PCDHGA6: variants seen among roughly 807,000 people sequenced by gnomAD.
The protein encoded by PCDHGA6 is protocadherin gamma subfamily A, 6.
PCDHGA6 carries 41 observed loss-of-function variants against 60.6 expected under a neutral mutation model. The observed-to-expected ratio is 0.68, with a 90% confidence interval of 0.53 to 0.88. The LOEUF (loss-of-function observed/expected upper bound fraction) is 0.88, where lower values mean the gene tolerates loss of function less well. PCDHGA6 is among the 40% of genes least tolerant of loss of function. PCDHGA6 has a pLI of 0.00. For missense variants in PCDHGA6, 1,312 were observed against 1,203.0 expected (o/e 1.09, Z -1.34); for synonymous variants, 594 against 524.4 (o/e 1.13, Z -1.81).
At chr5:141,433,349 T>C in intron 1 of PCDHGA6, 1 of 616,610 alleles carries the variant, frequency 1.6e-6, no homozygotes, top group East Asian at 2.8e-5. Flanking sequence ...GCAAGCCACC[T>C]ACTGTCTGCC....
chr5:141,421,118 T>C (rs572827470), intron 1 of PCDHGA6: 2 of 771,948 alleles, frequency 2.6e-6, no homozygotes, highest in Non-Finnish European at 2.0e-6. Context: ...GTATTTTCCT[T>C]CGCTTTCTGA....
At chr5:141,415,738 AGGTTTT>A in intron 1 of PCDHGA6, 1 of 538,082 alleles carries the variant, frequency 1.9e-6, no homozygotes, top group South Asian at 3.9e-5. Flanking sequence ...ATGTTTATTA[AGGTTTT>A]TTTTTTTTTT....
chr5:141,490,903 C>G lies in PCDHGA6; in HGVS notation c.2425-3904C>G. 6.2e-7 allele frequency: 1 copy of G among 1,613,764 alleles called. No homozygotes were observed. The highest frequency in any genetic ancestry group is 1.7e-5 in the Admixed American group (1 of 60,022). On this transcript the variant is annotated intron_variant, in intron 1 of 3. Coordinates refer to ENST00000517434, the MANE Select transcript of PCDHGA6 (RefSeq NM_018919.3). This position sits in a 1 kb window ranked among gnomAD's most constrained non-coding sequence, Gnocchi z 5.4. ...CAACACATCTCTGCATGTGTTTGTC[C>G]TAGACGAGAATGATAATGCCCCAGC... is the stretch of plus-strand genomic sequence containing the variant.
chr5:141,413,660 T>C (rs747874019), intron 1 of PCDHGA6: 5 of 1,613,752 alleles, frequency 3.1e-6, no homozygotes, highest in Non-Finnish European at 4.2e-6. Flanking sequence ...CCGGAAGCTA[T>C]TGATCCGGAT....
chr5:141,387,227 A>T (rs1220813655), intron 1 of PCDHGA6, among the ~76,000 whole-genome samples: 3 of 152,230 alleles, frequency 2.0e-5, no homozygotes, highest in Non-Finnish European at 4.4e-5. Context: ...AAGTTGAAAT[A>T]AATCAACTTG....
In PCDHGA6 at chr5:141,438,327, A is replaced by G. The variant is rs369043587; in HGVS notation, c.2425-56480A>G. 1.5e-4 allele frequency among the ~76,000 whole-genome samples: 23 copies of G among 152,106 alleles called. No homozygotes were observed. The East Asian group carries it at 4.1e-3, about 27-fold the overall frequency. ...TTGGTACCACCATAATTTTTCTTAT[A>G]CATGTCATATAAGGATCTACTCTGT... On this transcript the variant is annotated intron_variant, in intron 1 of 3. Transcript: ENST00000517434.
intron 1 of PCDHGA6, among the ~76,000 whole-genome samples, chr5:141,455,904 TTTATTTA>T: frequency 6.8e-6 from 1 of 147,982 alleles, no homozygotes. Flanking sequence ...TATTTATTTA[TTTATTTA>T]TTTTGAGACG....
intron 1 of PCDHGA6, chr5:141,389,520 C>T: frequency 6.2e-7 from 1 of 1,613,184 alleles, no homozygotes; most frequent in Non-Finnish European, 8.5e-7. Flanking sequence ...GAACGTGAGC[C>T]TGCGCGTGTT....
intron 1 of PCDHGA6, chr5:141,419,816 C>A (rs910172118): frequency 7.4e-6 from 12 of 1,613,940 alleles, no homozygotes; most frequent in Non-Finnish European, 1.0e-5. Context: ...AGGACAGCCA[C>A]CCCTTTCAGC....
chr5:141,395,716 T>C (rs2093303538), intron 1 of PCDHGA6: 1 of 154,332 alleles, frequency 6.5e-6, no homozygotes, highest in Non-Finnish European at 1.4e-5. Context: ...AACTAGGCTC[T>C]TGTAGATTTC....
chr5:141,500,574 G>A (rs2099801457), intron 2 of PCDHGA6, among the ~76,000 whole-genome samples: 1 of 152,164 alleles, frequency 6.6e-6, no homozygotes, highest in African/African-American at 2.4e-5. Context: ...ACACTTTCAT[G>A]TGACACTTTA....
chr5:141,433,199 ATCT>A (rs1202688924), intron 1 of PCDHGA6: 4 of 1,579,570 alleles, frequency 2.5e-6, no homozygotes, highest in East Asian at 2.2e-5. Context: ...TTTATATCAA[ATCT>A]TCTTTCTTTT....
chr5:141,380,974 A>G (rs1008958709), intron 1 of PCDHGA6, among the ~76,000 whole-genome samples: 1 of 152,262 alleles, frequency 6.6e-6, no homozygotes, highest in Non-Finnish European at 1.5e-5. Flanking sequence ...TATTAAACAA[A>G]TAGAATTTAA....
At chr5:141,408,156 T>G (rs1270401832) in intron 1 of PCDHGA6, 2 of 1,512,436 alleles carry the variant, frequency 1.3e-6, no homozygotes, top group East Asian at 2.5e-5. Flanking sequence ...TAGAGTGCAC[T>G]TTCTCCAACT....
chr5:141,393,155 A>G (rs1158641344), intron 1 of PCDHGA6: 1 of 1,613,328 alleles, frequency 6.2e-7, no homozygotes, highest in Non-Finnish European at 8.5e-7. Flanking sequence ...AGGATAAAGG[A>G]AAACTCTTTG....
chr5:141,397,438 G>A (rs1330293325), intron 1 of PCDHGA6, among the ~76,000 whole-genome samples: 5 of 152,140 alleles, frequency 3.3e-5, no homozygotes, highest in Admixed American at 2.6e-4. Context: ...CCTAATATGT[G>A]TAATATAAAA....
chr5:141,509,595 C>T (rs968797923), intron 3 of PCDHGA6, among the ~76,000 whole-genome samples: 36 of 152,168 alleles, frequency 2.4e-4, no homozygotes, highest in African/African-American at 6.8e-4. Context: ...CTGGCAATTC[C>T]GAGAGGCTGC....
rs1307461844 is a variant in PCDHGA6 at position 141,374,494 on chromosome 5, A to G, written c.411A>G (p.Glu137=). The G allele has an allele frequency of 7.4e-6, 12 of 1,611,426 alleles. No individual in the cohort carries two copies. Among genetic ancestry groups the G allele is most frequent in the Non-Finnish European group, 9.3e-6 (11 of 1,177,794 alleles). ...ATACACCCCGATTCTTAAAGGAAGA[A>G]TTGGAAGTGAAAATTCTCGAAAACG... ...NDNTPRFLKE[E]LEVKILENAA... Residue 137 remains glutamate (E), a synonymous_variant, in exon 1 of 4, where the codon GAA becomes GAG. Coordinates refer to ENST00000517434, the MANE Select transcript of PCDHGA6 (RefSeq NM_018919.3).
chr5:141,415,764 T>G lies in PCDHGA6; in HGVS notation c.2424+39257T>G, dbSNP rs1158166352. The G allele has an allele frequency of 5.0e-6, 7 of 1,391,674 alleles. No homozygotes were observed. The African/African-American group carries it at 7.5e-5, about 15-fold the overall frequency. 86.2% of individuals were successfully genotyped at this position (1,391,674 alleles called of 1,614,324 possible). Reference sequence around the variant, plus strand: ...GGTTTTTTTTTTTTTTTTTTTTTTTTTTTTTTTTACTTTCTGGTAAAATTC... The same window carrying G: ...GGTTTTTTTTTTTTTTTTTTTTTTTGTTTTTTTTACTTTCTGGTAAAATTC... On this transcript the variant is annotated intron_variant, in intron 1 of 3. Coordinates refer to ENST00000517434, the MANE Select transcript of PCDHGA6 (RefSeq NM_018919.3).
Sources: allele counts gnomAD v4.1 joint callset (sites outside exome capture counted in the v4.1 genomes callset), GRCh38; gene constraint gnomAD v4.1.1; non-coding constraint Gnocchi (gnomAD v3.1); transcripts MANE v1.5; gene names NCBI Gene and HGNC (gene_info 2026-07-23, HGNC 2026-07-21).